Variants in WDR81 observed in about 807,000 individuals in gnomAD.
WDR81 encodes the protein WD repeat-containing protein 81.
A neutral mutation model predicts 140.8 loss-of-function variants in WDR81; 92 were observed. The ratio of observed to expected loss-of-function variants is 0.65; its 90% CI spans 0.55 to 0.78. WDR81 has a LOEUF of 0.78. Ranked by LOEUF, WDR81 falls within the 30% of genes least tolerant of loss-of-function variation. The probability of loss-of-function intolerance (pLI) is 0.00; values close to 1 mark genes in which losing one functional copy is unlikely to be tolerated. For missense variants in WDR81, 2,502 were observed against 2,636.4 expected, an observed-to-expected ratio of 0.95 and a Z score of 1.12; for synonymous variants, 1,183 against 1,156.4, an observed-to-expected ratio of 1.02 and a Z score of -0.47.
rs1040305554 is a variant in WDR81, at chr17:1,733,757, T to C, written c.4720T>C (p.Ser1574Pro). The C allele has an allele frequency of 6.2e-7, 1 of 1,612,256 alleles. No homozygotes were observed. The highest frequency in any genetic ancestry group is 1.7e-5 in the Admixed American group (1 of 59,960). The change falls in exon 7 of 10, where the codon TCT (serine) becomes CCT (proline). Residue 1574 changes from serine (S) to proline (P), a missense_variant. By Grantham distance (74) the Ser-to-Pro change is moderately conservative. This residue lies in a region of WDR81 where 1,737 missense variants were observed against 1,843.0 expected (regional missense o/e 0.94). Coordinates refer to ENST00000409644, the MANE Select transcript of WDR81 (RefSeq NM_001163809.2). ...GAACCGCATTCAGATCCCCAATGACTCTCGGCCTGAGAACCCCGGACCACT... is the reference window on the plus strand; with the variant it reads ...GAACCGCATTCAGATCCCCAATGACCCTCGGCCTGAGAACCCCGGACCACT... ...VGNRIQIPND[S>P]RPENPGPLGP... is the part of the protein sequence containing the mutation.
chr17:1,725,297 G>C lies in WDR81; in HGVS notation c.338G>C (p.Arg113Pro). The change falls in exon 1 of 10, where the codon CGG (arginine) becomes CCG (proline). Residue 113 changes from arginine to proline, a missense_variant. Transcript: ENST00000409644. The stretch of plus-strand genomic sequence containing the variant: ...GTGGAGGTGCATGGGCTGCGGAAGC[G>C]GAGACTGTCCTACCCTCTGGGCGGG... ...TRVEVHGLRKRRLSYPLGGGL... is the reference protein window; with the variant it reads ...TRVEVHGLRKPRLSYPLGGGL... 6.5e-7 allele frequency: 1 copy of C among 1,547,740 alleles called. No homozygotes were observed. The highest frequency in any genetic ancestry group is 8.7e-7 in the Non-Finnish European group (1 of 1,146,954).
upstream of WDR81, among the ~76,000 whole-genome samples, chr17:1,724,029 A>AT (rs1413787678): frequency 6.6e-6 from 1 of 152,076 alleles, no homozygotes; most frequent in Non-Finnish European, 1.5e-5. Flanking sequence ...GCTCCTTCCT[A>AT]TGGAAGGTGG....
rs563732828 is a variant in WDR81 at position 1,726,563 on chromosome 17, G to T, written c.1604G>T (p.Arg535Leu). 20 of 1,550,358 alleles carry T rather than the reference G, an allele frequency of 1.3e-5. No individual in the cohort carries two copies. In the South Asian group the frequency reaches 2.1e-4, roughly 17 times the overall value. ...VAAHRALLES[R>L]EVSRDLHHWI... ...GCCCACCGAGCCCTGCTGGAGAGCC[G>T]CGAGGTATCCCGGGACCTGCACCAT... Residue 535 changes from arginine to leucine, a missense_variant, in exon 1 of 10, where the codon CGC (arginine) becomes CTC (leucine). This residue lies in a region of WDR81 where 218 missense variants were observed against 279.6 expected (regional missense o/e 0.78). Coordinates refer to ENST00000409644, the MANE Select transcript of WDR81 (RefSeq NM_001163809.2).
rs1156288032 is a variant in WDR81 at position 1,731,195 on chromosome 17, T to C, written c.4094T>C (p.Leu1365Pro). 6.2e-7 allele frequency: 1 copy of C among 1,613,456 alleles called. No homozygotes were observed. Among genetic ancestry groups the C allele is most frequent in the Non-Finnish European group, 8.5e-7 (1 of 1,180,010 alleles). ...TCAGACACCACACTCATGGACATCC[T>C]GCCCCGGATCAGCCATGAGGTCCTG... The part of the protein sequence containing the change: ...YLSDTTLMDI[L>P]PRISHEVLLP... The change falls in exon 4 of 10, where the codon CTG (leucine) becomes CCG (proline). Residue 1365 changes from leucine to proline, a missense_variant. By Grantham distance (98) the Leu-to-Pro change is moderately conservative (BLOSUM62 -3). This residue lies in a region of WDR81 where 1,737 missense variants were observed against 1,843.0 expected (regional missense o/e 0.94). Coordinates refer to ENST00000409644, the MANE Select transcript of WDR81 (RefSeq NM_001163809.2).
At chr17:1,724,619 C>A (rs933847463), upstream of WDR81, 10 of 1,004,388 alleles carry the variant, frequency 1.0e-5, no homozygotes, top group Non-Finnish European at 1.2e-5. Context: ...GCGGGGAGGC[C>A]GCCGGGCAGG....
chr17:1,729,711 C>A (rs1296264795), intron 1 of WDR81, among the ~76,000 whole-genome samples: 2 of 152,022 alleles, frequency 1.3e-5, no homozygotes, highest in Non-Finnish European at 2.9e-5. Context: ...GCCTGTAATC[C>A]CAGCACTTTG....
chr17:1,735,825 T>C lies in WDR81; in HGVS notation c.5325+108T>C. 1 of 1,451,642 alleles carries C rather than the reference T, an allele frequency of 6.9e-7. No homozygotes were observed. Among genetic ancestry groups the C allele is most frequent in the Non-Finnish European group, 9.2e-7 (1 of 1,083,780 alleles). 89.9% of individuals were successfully genotyped at this position (1,451,642 alleles called of 1,614,324 possible). On this transcript the variant is annotated intron_variant, in intron 8 of 9. Coordinates refer to ENST00000409644, the MANE Select transcript of WDR81 (RefSeq NM_001163809.2). This position sits in a 1 kb window ranked among gnomAD's most constrained non-coding sequence, Gnocchi z 4.2. ...CCAGGATGTTGTTCTGGGGCCCTAG[T>C]TAGTTTCTCTTTGGTGCTAGATCAC...
rs1416661305 is a variant in WDR81, at chr17:1,735,141, A to G, written c.5180-431A>G. ...GAAACCCCATCTCTACTAAGAATACAAAAAAAGGCCGGACGCGGTGGCTCA... is the reference window on the plus strand; with the variant it reads ...GAAACCCCATCTCTACTAAGAATACGAAAAAAGGCCGGACGCGGTGGCTCA... On this transcript the variant is annotated intron_variant, in intron 7 of 9. Transcript: ENST00000409644. The surrounding 1 kb of genome is among the most constrained non-coding windows in gnomAD (Gnocchi z 4.2). Among the ~76,000 whole-genome samples, 1 of 152,180 alleles carries G rather than the reference A, an allele frequency of 6.6e-6. No individual in the cohort carries two copies. Among genetic ancestry groups the G allele is most frequent in the African/African-American group, 2.4e-5 (1 of 41,526 alleles).
rs548719238 is a variant in WDR81, at chr17:1,732,997, C to CA, written c.4489+169dup. 866 of 820,228 alleles carry CA rather than the reference C, an allele frequency of 1.1e-3. 4 individuals carry two copies. The African/African-American group carries it at 0.012, about 11-fold the overall frequency. The allele number at this position is 820,228 out of a possible 1,614,324, so 50.8% of individuals were successfully genotyped here. On this transcript the variant is annotated intron_variant, in intron 6 of 9. Coordinates refer to ENST00000409644, the MANE Select transcript of WDR81 (RefSeq NM_001163809.2). ...AGACCCCTACCCCCAAGGTGACACA[C>CA]AAACAAGGACTGAGCAGTAGCCAGC... is the stretch of plus-strand genomic sequence containing the variant.
chr17:1,735,800 C>T lies in WDR81; in HGVS notation c.5325+83C>T, dbSNP rs1378581788. The T allele has an allele frequency of 4.0e-6, 6 of 1,514,058 alleles. No homozygotes were observed. The highest frequency in any genetic ancestry group is 4.4e-6 in the Non-Finnish European group (5 of 1,127,488). 93.8% of individuals were successfully genotyped at this position (1,514,058 alleles called of 1,614,324 possible). On this transcript the variant is annotated intron_variant, in intron 8 of 9. Coordinates refer to ENST00000409644, the MANE Select transcript of WDR81 (RefSeq NM_001163809.2). The surrounding 1 kb of genome is among the most constrained non-coding windows in gnomAD (Gnocchi z 4.2). The stretch of plus-strand genomic sequence containing the variant: ...GGAGAGACTCCCCAAAAACAGAAAG[C>T]CAGGATGTTGTTCTGGGGCCCTAGT...
intron 1 of WDR81, among the ~76,000 whole-genome samples, chr17:1,729,519 C>T (rs563187081): frequency 1.3e-5 from 2 of 151,928 alleles, no homozygotes; most frequent in Admixed American, 6.6e-5. Flanking sequence ...ATCTAGTTTT[C>T]AAGGGTCAGA....
At position 1,736,114 on chromosome 17, in the gene WDR81, G is replaced by T. The variant is rs1382362552; in HGVS notation, c.5401G>T (p.Val1801Phe). 2 of 1,602,704 alleles carry T rather than the reference G, an allele frequency of 1.2e-6. No individual in the cohort carries two copies. Among genetic ancestry groups the T allele is most frequent in the African/African-American group, 1.3e-5 (1 of 75,034 alleles). Reference protein sequence around the residue: ...ALAISPSGRSVVAGFSSGFMV... With the variant: ...ALAISPSGRSFVAGFSSGFMV... The stretch of plus-strand genomic sequence containing the variant: ...GGCCATCAGCCCCAGTGGCCGTAGT[G>T]TCGTGGCCGGCTTCTCCTCAGGCTT... The change falls in exon 9 of 10, where the codon GTC becomes TTC. Residue 1801 changes from valine to phenylalanine, a missense_variant. By Grantham distance (50) the Val-to-Phe change is conservative. This residue lies in a region of WDR81 where 1,737 missense variants were observed against 1,843.0 expected (regional missense o/e 0.94). Transcript: ENST00000409644.
In WDR81 at chr17:1,732,695, T is replaced by C. The variant is rs1394114160; in HGVS notation, c.4353T>C (p.Gly1451=). Residue 1451 remains glycine, a synonymous_variant, in exon 6 of 10, where the codon GGT becomes GGC. Coordinates refer to ENST00000409644, the MANE Select transcript of WDR81 (RefSeq NM_001163809.2). Reference sequence around the variant, plus strand: ...TGAAGCTGGACCCTGCGGGCCGTGGTGAGGGCCAGCTGCCACAGGTGGTCT... The same window carrying C: ...TGAAGCTGGACCCTGCGGGCCGTGGCGAGGGCCAGCTGCCACAGGTGGTCT... ...QDLKLDPAGR[G]EGQLPQVVFS... is the part of the protein sequence containing the mutation. 1.2e-6 allele frequency: 2 copies of C among 1,610,558 alleles called. No homozygotes were observed. Among genetic ancestry groups the C allele is most frequent in the East Asian group, 2.2e-5 (1 of 44,868 alleles).
upstream of WDR81, chr17:1,724,638 T>G (rs1312534260): frequency 1.8e-5 from 18 of 1,016,556 alleles, no homozygotes; most frequent in South Asian, 7.9e-4. Context: ...GGAAGCGGGG[T>G]CCCGCCCGGG....
chr17:1,729,817 C>G (rs1180731499), intron 1 of WDR81, among the ~76,000 whole-genome samples: 2 of 151,860 alleles, frequency 1.3e-5, no homozygotes, highest in Non-Finnish European at 2.9e-5. Context: ...AAAAACTTAG[C>G]TGGGCATGGT....
chr17:1,732,567 T>C (rs1401996591), intron 5 of WDR81, 77 bp downstream of exon 5: 1 of 1,581,760 alleles, frequency 6.3e-7, no homozygotes, highest in African/African-American at 1.3e-5. Context: ...ATCTTGCTCA[T>C]AGGATCTGAA....
intron 1 of WDR81, chr17:1,716,793 A>C (rs917340968): frequency 9.6e-6 from 8 of 830,312 alleles, no homozygotes; most frequent in Non-Finnish European, 1.5e-5. Flanking sequence ...GGAAAGGTGG[A>C]GCGGACCAAG....
upstream of WDR81, chr17:1,724,431 G>C: frequency 1.0e-6 from 1 of 964,002 alleles, no homozygotes. Context: ...CTAAGAGGCT[G>C]GCATCTCTGG....
rs765109528 is a variant in WDR81, at chr17:1,733,948, C to T, written c.4911C>T (p.His1637=). The change falls in exon 7 of 10, where the codon CAC becomes CAT. Residue 1637 remains histidine, a synonymous_variant. Coordinates refer to ENST00000409644, the MANE Select transcript of WDR81 (RefSeq NM_001163809.2). ...AGCAGGATGCCCACTTTCACTTCCA[C>T]CAGATCCGCCTGCAGAGCTTCCCGG... ...VSQQDAHFHF[H]QIRLQSFPGH... is the part of the protein sequence containing the mutation. 6.2e-7 allele frequency: 1 copy of T among 1,612,858 alleles called. No homozygotes were observed. The highest frequency in any genetic ancestry group is 2.2e-5 in the East Asian group (1 of 44,880).
Sources: allele counts gnomAD v4.1 joint callset (sites outside exome capture counted in the v4.1 genomes callset), GRCh38; gene constraint gnomAD v4.1.1; regional missense constraint gnomAD v4.1.1; non-coding constraint Gnocchi (gnomAD v3.1); transcripts MANE v1.5; gene names NCBI Gene and HGNC (gene_info 2026-07-23, HGNC 2026-07-21).